Variants in MRE11 observed in about 807,000 individuals in gnomAD.
MRE11 encodes MRE11 double strand break repair nuclease.
MRE11 carries 62 observed loss-of-function variants against 91.7 expected under a neutral mutation model. The ratio of observed to expected loss-of-function variants is 0.68; its 90% CI spans 0.55 to 0.84. The LOEUF (loss-of-function observed/expected upper bound fraction) is 0.84. MRE11 is among the 40% of genes least tolerant of loss of function. The probability of loss-of-function intolerance (pLI) is 0.00; values close to 1 mark genes in which losing one functional copy is unlikely to be tolerated. For missense variants in MRE11, 796 were observed against 852.9 expected (o/e 0.93, Z 0.83); for synonymous variants, 273 against 271.4 (o/e 1.01, Z -0.06).
At position 94,459,482 on chromosome 11, in the gene MRE11, A is replaced by G. The variant is rs1555009322; in HGVS notation, c.1426T>C (p.Tyr476His). ...EKDAIEELVKYQLEKTQRFLK... is the reference protein window; with the variant it reads ...EKDAIEELVKHQLEKTQRFLK... ...AATCGCTGTGTTTTTTCCAACTGGT[A>G]TTTCACTAATTCCTCAATGGCATCT... The change falls in exon 13 of 20, where the codon TAC becomes CAC. Residue 476 changes from tyrosine (Y) to histidine (H), a missense_variant. Physicochemically the swap from Tyr to His is moderately conservative, Grantham distance 83. Transcript: ENST00000323929. 3 of 1,614,070 alleles carry G rather than the reference A, an allele frequency of 1.9e-6. No individual in the cohort carries two copies. The highest frequency in any genetic ancestry group is 2.5e-6 in the Non-Finnish European group (3 of 1,179,940).
At chr11:94,460,851 T>A in intron 12 of MRE11, 85 bp downstream of exon 12, 1 of 1,117,454 alleles carries the variant, frequency 8.9e-7, no homozygotes, top group Non-Finnish European at 1.3e-6. Context: ...TTCATTTTGT[T>A]TAAACTATCA....
intron 19 of MRE11, among the ~76,000 whole-genome samples, chr11:94,428,077 T>C (rs1467215630): frequency 2.0e-5 from 3 of 152,010 alleles, no homozygotes; most frequent in Non-Finnish European, 1.5e-5. Context: ...AGAACCCAAA[T>C]AGACAAAGCA....
chr11:94,432,469 G>A (rs1455182447), intron 18 of MRE11, among the ~76,000 whole-genome samples: 1 of 152,156 alleles, frequency 6.6e-6, no homozygotes, highest in Admixed American at 6.5e-5. Context: ...ATGGTTTTAA[G>A]TACCATCTGC....
At chr11:94,433,745 T>C (rs1412025874) in intron 18 of MRE11, among the ~76,000 whole-genome samples, 2 of 152,186 alleles carry the variant, frequency 1.3e-5, no homozygotes, top group Non-Finnish European at 2.9e-5. Context: ...ATGTAGAAAT[T>C]TGAGTCCATT....
chr11:94,475,741 C>T (rs895759256), intron 7 of MRE11: 2 of 410,796 alleles, frequency 4.9e-6, no homozygotes, highest in Non-Finnish European at 9.6e-6. Flanking sequence ...ATGTTCATAA[C>T]AGCAAGGTTT....
At chr11:94,462,655 A>C (rs1249704464) in intron 11 of MRE11, among the ~76,000 whole-genome samples, 6 of 152,192 alleles carry the variant, frequency 3.9e-5, no homozygotes, top group Non-Finnish European at 7.3e-5. Context: ...TCTTTGACAA[A>C]CCTGACAAAA....
Position 94,419,271 on chromosome 11 carries a change from C to A in MRE11, c.*854G>T, listed in dbSNP as rs967680307. 4.3e-6 allele frequency: 1 copy of A among 232,828 alleles called. No homozygotes were observed. Among genetic ancestry groups the A allele is most frequent in the African/African-American group, 2.2e-5 (1 of 45,306 alleles). The allele number at this position is 232,828 out of a possible 1,614,324, so 14.4% of individuals were successfully genotyped here. A position where few individuals can be genotyped will look rare whatever the true frequency, so the allele number is the denominator to read the frequency against. On this transcript the variant is annotated 3_prime_UTR_variant, in exon 20 of 20. Coordinates refer to ENST00000323929, the MANE Select transcript of MRE11 (RefSeq NM_005591.4). Reference sequence around the variant, plus strand: ...AATGAGAAATCCTGGCATTGACATTCCACATTAAATATATTTCTATACTTT... The same window carrying A: ...AATGAGAAATCCTGGCATTGACATTACACATTAAATATATTTCTATACTTT...
chr11:94,436,754 T>C (rs1184528967), intron 17 of MRE11, among the ~76,000 whole-genome samples: 2 of 152,208 alleles, frequency 1.3e-5, no homozygotes, highest in East Asian at 1.9e-4. Context: ...CATGGATCGC[T>C]GGACTCCAGC....
At chr11:94,454,073 A>ATTT (rs763249653) in intron 14 of MRE11, among the ~76,000 whole-genome samples, 1 of 138,744 alleles carries the variant, frequency 7.2e-6, no homozygotes. Flanking sequence ...TGAACAAAAG[A>ATTT]TTTTTTTTTT....
chr11:94,418,285 C>T lies in MRE11; in HGVS notation c.*1840G>A. 4.3e-6 allele frequency: 1 copy of T among 233,106 alleles called. No individual in the cohort carries two copies. Among genetic ancestry groups the T allele is most frequent in the Non-Finnish European group, 8.5e-6 (1 of 117,982 alleles). The allele number at this position is 233,106 out of a possible 1,614,324, so 14.4% of individuals were successfully genotyped here. ...GTATTCACAAAATGACCTGAATTAG[C>T]TGGAGAGATTTATCACCCTCTGTAA... On this transcript the variant is annotated 3_prime_UTR_variant, in exon 20 of 20. Transcript: ENST00000323929.
intron 9 of MRE11, among the ~76,000 whole-genome samples, chr11:94,470,106 T>C (rs569250717): frequency 1.3e-4 from 20 of 152,178 alleles, no homozygotes; most frequent in African/African-American, 4.3e-4. Flanking sequence ...CTAAGGCTTT[T>C]CTCACACACG....
chr11:94,433,437 C>T (rs1945518224), intron 18 of MRE11, among the ~76,000 whole-genome samples: 1 of 152,246 alleles, frequency 6.6e-6, no homozygotes, highest in Admixed American at 6.5e-5. Flanking sequence ...TTCCACCACA[C>T]ATTAGTCATT....
At chr11:94,492,979 G>A in intron 1 of MRE11, 73 bp from the exon 2 acceptor site, 1 of 642,550 alleles carries the variant, frequency 1.6e-6, no homozygotes, top group Non-Finnish European at 2.7e-6. Context: ...GATTTACGCT[G>A]CACAAGGTAC....
intron 9 of MRE11, among the ~76,000 whole-genome samples, chr11:94,468,755 T>C (rs191245375): frequency 1.4e-4 from 22 of 152,328 alleles, no homozygotes; most frequent in Non-Finnish European, 2.5e-4. Flanking sequence ...CAAAACCATA[T>C]GTGGATATAG....
In MRE11 at chr11:94,446,245, T is replaced by C. The variant is rs532028951; in HGVS notation, c.1784-352A>G. 4.6e-5 allele frequency among the ~76,000 whole-genome samples: 7 copies of C among 152,122 alleles called. No homozygotes were observed. The East Asian group carries it at 1.2e-3, about 25-fold the overall frequency. On this transcript the variant is annotated intron_variant, in intron 15 of 19. Transcript: ENST00000323929. Reference sequence around the variant, plus strand: ...CAACATGGTGAAACCCCACCTCTACTAAAAATACAAAAATTAACTGGCATG... The same window carrying C: ...CAACATGGTGAAACCCCACCTCTACCAAAAATACAAAAATTAACTGGCATG...
At chr11:94,482,718 G>A (rs1947042796) in intron 4 of MRE11, among the ~76,000 whole-genome samples, 1 of 152,150 alleles carries the variant, frequency 6.6e-6, no homozygotes, top group Non-Finnish European at 1.5e-5. Context: ...AGGATCACTT[G>A]AGGTCAGGAG....
At chr11:94,426,495 T>C (rs905810487) in intron 19 of MRE11, among the ~76,000 whole-genome samples, 1 of 151,542 alleles carries the variant, frequency 6.6e-6, no homozygotes, top group Admixed American at 6.6e-5. Flanking sequence ...ACATTGTACC[T>C]GGAGGAACTA....
chr11:94,496,716 A>G, upstream of MRE11: 2 of 1,586,394 alleles, frequency 1.3e-6, no homozygotes, highest in Non-Finnish European at 1.7e-6. Context: ...AAAGGAAATG[A>G]TGATGGAATA....
chr11:94,461,693 G>A (rs1025784508), intron 11 of MRE11, among the ~76,000 whole-genome samples: 1 of 152,180 alleles, frequency 6.6e-6, no homozygotes, highest in African/African-American at 2.4e-5. Context: ...GTTTGCAGAT[G>A]ACATGATTGT....
Sources: gnomAD v4.1 joint callset for allele counts (sites outside exome capture counted in the v4.1 genomes callset) on GRCh38, gnomAD v4.1.1 for gene constraint, MANE v1.5 for transcripts, NCBI Gene and HGNC (gene_info 2026-07-23, HGNC 2026-07-21) for gene names.